The following RYR2 variants were observed in gnomAD, a reference collection of about 807,000 sequenced individuals.
RYR2 encodes the protein cardiac muscle ryanodine receptor-calcium release channel.
RYR2 carries 227 observed loss-of-function variants against 601.1 expected under a neutral mutation model. The observed-to-expected ratio is 0.38, with a 90% confidence interval of 0.34 to 0.42. The LOEUF (loss-of-function observed/expected upper bound fraction) is 0.42. Ranked by LOEUF, RYR2 falls within the 10% of genes least tolerant of loss-of-function variation. The pLI is 1.00. For synonymous variants in RYR2, 2,223 were observed against 2,175.1 expected (o/e 1.02, Z -0.61); for missense variants, 4,646 against 6,156.5 (o/e 0.75, Z 8.21).
intron 1 of RYR2, among the ~76,000 whole-genome samples, chr1:237,159,701 T>C (rs892854235): frequency 9.9e-5 from 15 of 152,052 alleles, no homozygotes; most frequent in Non-Finnish European, 1.9e-4. Flanking sequence ...CTACTAATAA[T>C]AGAAAATAAA....
At chr1:237,192,079 A>C (rs1680022809) in intron 1 of RYR2, among the ~76,000 whole-genome samples, 1 of 152,022 alleles carries the variant, frequency 6.6e-6, no homozygotes, top group African/African-American at 2.4e-5. Context: ...CTGAGCTTAG[A>C]GAAGTCAGGT....
At chr1:237,199,192 C>T (rs1014696457) in intron 1 of RYR2, among the ~76,000 whole-genome samples, 1 of 152,156 alleles carries the variant, frequency 6.6e-6, no homozygotes, top group African/African-American at 2.4e-5. Flanking sequence ...ACAGAACTAA[C>T]AGGATAGATG....
chr1:237,070,775 C>T (rs74146700), intron 1 of RYR2, among the ~76,000 whole-genome samples: 2,962 of 152,324 alleles, frequency 0.019, 93 homozygotes, highest in African/African-American at 0.068. Flanking sequence ...CAGGTGCCAG[C>T]TCCATGTGAG....
chr1:237,247,913 G>T (rs996839949), intron 1 of RYR2, among the ~76,000 whole-genome samples: 3 of 152,122 alleles, frequency 2.0e-5, no homozygotes, highest in African/African-American at 7.2e-5. Context: ...TTCTGTCCAT[G>T]CTGGTACCTC....
chr1:237,657,824 C>G, intron 53 of RYR2, 120 bp from the exon 54 acceptor site: 2 of 540,256 alleles, frequency 3.7e-6, no homozygotes, highest in Non-Finnish European at 6.6e-6. Context: ...AAAAAGAAGT[C>G]GTGTTTAACA....
At chr1:237,297,491 C>T (rs929107178) in intron 2 of RYR2, among the ~76,000 whole-genome samples, 2 of 152,022 alleles carry the variant, frequency 1.3e-5, no homozygotes, top group Non-Finnish European at 2.9e-5. Flanking sequence ...TTCAGTACAC[C>T]TTTAGAACTC....
Position 237,194,111 on chromosome 1 carries a change from A to G in RYR2, c.49-76386A>G, listed in dbSNP as rs533453433. Among the ~76,000 whole-genome samples, 3 of 152,364 alleles carry G rather than the reference A, an allele frequency of 2.0e-5. No homozygotes were observed. The South Asian group carries it at 6.2e-4, about 32-fold the overall frequency. ...CCTGCATTCTAAATATTTCCTTTGC[A>G]TAAATGCATTTCATTTCTTCTTTTC... On this transcript the variant is annotated intron_variant, in intron 1 of 104. Coordinates refer to ENST00000366574, the MANE Select transcript of RYR2 (RefSeq NM_001035.3).
intron 22 of RYR2, among the ~76,000 whole-genome samples, chr1:237,505,473 C>T (rs889778203): frequency 3.3e-5 from 5 of 152,194 alleles, no homozygotes; most frequent in African/African-American, 1.2e-4. Flanking sequence ...AATCGTATTT[C>T]TTGTTCCCCC....
intron 101 of RYR2, among the ~76,000 whole-genome samples, chr1:237,827,355 C>T (rs1457007624): frequency 6.6e-6 from 1 of 152,104 alleles, no homozygotes; most frequent in Non-Finnish European, 1.5e-5. Context: ...TGATTTGGGG[C>T]CTGGCACCAT....
At chr1:237,666,697 A>C (rs1249399361) in intron 57 of RYR2, 108 bp downstream of exon 57, 2 of 834,674 alleles carry the variant, frequency 2.4e-6, no homozygotes, top group Non-Finnish European at 3.9e-6. Context: ...GAATGTGGCG[A>C]TCTATAATGG....
At chr1:237,122,713 C>A (rs1235540164) in intron 1 of RYR2, among the ~76,000 whole-genome samples, 1 of 139,088 alleles carries the variant, frequency 7.2e-6, no homozygotes, top group Admixed American at 7.3e-5. Flanking sequence ...AACAAACAAA[C>A]AAAACTTAAA....
chr1:237,249,913 AAG>A (rs1024304912), intron 1 of RYR2, among the ~76,000 whole-genome samples: 1 of 152,206 alleles, frequency 6.6e-6, no homozygotes, highest in African/African-American at 2.4e-5. Context: ...CAGTCTAAGA[AAG>A]AGAGAGTCAA....
At chr1:237,326,695 ACTGT>A (rs1696208670) in intron 2 of RYR2, among the ~76,000 whole-genome samples, 1 of 152,236 alleles carries the variant, frequency 6.6e-6, no homozygotes, top group African/African-American at 2.4e-5. Flanking sequence ...CTAAAAATTA[ACTGT>A]CTCAGTAATA....
chr1:237,559,401 C>A (rs577331754), intron 27 of RYR2, among the ~76,000 whole-genome samples: 2 of 152,142 alleles, frequency 1.3e-5, no homozygotes, highest in East Asian at 3.9e-4. Context: ...GGACCACCAC[C>A]ATGCCTGGCT....
In RYR2 at chr1:237,832,805, TC is replaced by T; in HGVS notation, c.*164del. 3 of 519,212 alleles carry T rather than the reference TC, an allele frequency of 5.8e-6. No homozygotes were observed. The highest frequency in any genetic ancestry group is 3.4e-5 in the Admixed American group (1 of 29,384). 32.2% of individuals were successfully genotyped at this position (519,212 alleles called of 1,614,324 possible). ...GCTCTGTTTCGGAAGAGCTGTTTCCTCCCCCCACCTTTTGTATTTACTTTGA... is the reference window on the plus strand; with the variant it reads ...GCTCTGTTTCGGAAGAGCTGTTTCCTCCCCCACCTTTTGTATTTACTTTGA... On this transcript the variant is annotated 3_prime_UTR_variant, in exon 105 of 105. Coordinates refer to ENST00000366574, the MANE Select transcript of RYR2 (RefSeq NM_001035.3).
chr1:237,367,116 T>C (rs12074134), intron 5 of RYR2, among the ~76,000 whole-genome samples: 53,194 of 151,626 alleles, frequency 0.35, 9,580 homozygotes, highest in East Asian at 0.39. Flanking sequence ...GTTTTCGAGA[T>C]AGAATCTCGC....
At chr1:237,328,850 C>T (rs919858362) in intron 2 of RYR2, among the ~76,000 whole-genome samples, 5 of 152,094 alleles carry the variant, frequency 3.3e-5, no homozygotes, top group Non-Finnish European at 5.9e-5. Flanking sequence ...AATGTGGATG[C>T]ATTGCATCAG....
intron 34 of RYR2, among the ~76,000 whole-genome samples, chr1:237,598,774 A>G (rs763169287): frequency 6.6e-6 from 1 of 152,144 alleles, no homozygotes; most frequent in Admixed American, 6.6e-5. Context: ...CTAAACCCCA[A>G]ATTAATAGAA....
intron 17 of RYR2, among the ~76,000 whole-genome samples, chr1:237,481,127 C>CATATATATATATATACATATATATATAT (rs764876848): frequency 1.4e-5 from 2 of 145,478 alleles, no homozygotes; most frequent in African/African-American, 5.0e-5. Context: ...TATATATATA[C>CATATATATATATATACATATATATATAT]ACACACATAT....
Sources: allele counts gnomAD v4.1 joint callset (sites outside exome capture counted in the v4.1 genomes callset), GRCh38; gene constraint gnomAD v4.1.1; transcripts MANE v1.5; gene names NCBI Gene and HGNC (gene_info 2026-07-23, HGNC 2026-07-21).